CYP2B6: variants seen among roughly 807,000 people sequenced by gnomAD.
CYP2B6 encodes the protein cytochrome P450 family 2 subfamily B member 6.
In CYP2B6, 35 loss-of-function variants were observed where a neutral mutation model predicts 43.4. That is an observed-to-expected ratio of 0.81 (90% CI 0.62 to 1.07). The LOEUF is 1.07. CYP2B6 is among the 50% of genes least tolerant of loss of function. CYP2B6 has a pLI of 0.00. For synonymous variants in CYP2B6, 239 were observed against 239.2 expected (o/e 1.00, Z 0.01); for missense variants, 624 against 632.8 (o/e 0.99, Z 0.15).
At position 40,997,973 on chromosome 19, in the gene CYP2B6, G is replaced by A. The variant is rs143061026; in HGVS notation, c.172-6028G>A. Among the ~76,000 whole-genome samples the A allele has an allele frequency of 9.0e-4, 137 of 152,176 alleles. 1 individual carries two copies. Among genetic ancestry groups the A allele is most frequent in the African/African-American group, 3.2e-3 (134 of 41,480 alleles). On this transcript the variant is annotated intron_variant, in intron 1 of 8. Transcript: ENST00000324071. ...AAAATTTAGCCAGGCATGGTGGCATGTGCCTGTAGTCCCAGCTACTTGGGA... is the reference window on the plus strand; with the variant it reads ...AAAATTTAGCCAGGCATGGTGGCATATGCCTGTAGTCCCAGCTACTTGGGA...
At chr19:41,010,174 T>C (rs748862371) in intron 6 of CYP2B6, 39 bp downstream of exon 6, 3 of 1,609,050 alleles carry the variant, frequency 1.9e-6, no homozygotes, top group South Asian at 2.2e-5. Flanking sequence ...TCTTCTGACC[T>C]CCTTCTGAGC....
chr19:41,012,476 C>T lies in CYP2B6; in HGVS notation c.1143C>T (p.Ile381=). The T allele has an allele frequency of 6.2e-7, 1 of 1,614,150 alleles. No individual in the cohort carries two copies. Among genetic ancestry groups the T allele is most frequent in the Non-Finnish European group, 8.5e-7 (1 of 1,179,962 alleles). ...VTQHTSFRGY[I]IPKDTEVFLI... is the part of the protein sequence containing the mutation. Reference sequence around the variant, plus strand: ...AACACACCAGCTTCCGAGGGTACATCATCCCCAAGGTAAGACCGGCTGGAA... The same window carrying T: ...AACACACCAGCTTCCGAGGGTACATTATCCCCAAGGTAAGACCGGCTGGAA... The change falls in exon 7 of 9, where the codon ATC becomes ATT. Residue 381 remains isoleucine, a synonymous_variant. Transcript: ENST00000324071.
At chr19:41,003,287 CT>C (rs564106878) in intron 1 of CYP2B6, among the ~76,000 whole-genome samples, 3 of 151,308 alleles carry the variant, frequency 2.0e-5, no homozygotes, top group African/African-American at 7.3e-5. Flanking sequence ...TATGCATACT[CT>C]TTTTTTTTCC....
chr19:41,011,389 C>T (rs1323599073), intron 6 of CYP2B6, among the ~76,000 whole-genome samples: 2 of 152,168 alleles, frequency 1.3e-5, no homozygotes, highest in African/African-American at 2.4e-5. Context: ...TAATTGGGTT[C>T]ATTGATTTCT....
rs541009809 is a variant in CYP2B6, at chr19:41,003,340, A to C, written c.172-661A>C. ...ATAGGGAGGGTGGTATACACAGTGC[A>C]GACATGGTGGACAAAGGATGATTCG... is the stretch of plus-strand genomic sequence containing the variant. On this transcript the variant is annotated intron_variant, in intron 1 of 8. Transcript: ENST00000324071. 9.2e-5 allele frequency among the ~76,000 whole-genome samples: 14 copies of C among 152,228 alleles called. No homozygotes were observed. In the East Asian group the frequency reaches 1.9e-3, roughly 21 times the overall value.
Position 41,012,284 on chromosome 19 carries a change from T to G in CYP2B6, c.965-14T>G. The stretch of plus-strand genomic sequence containing the variant: ...TCTTTAAAATGAGATTCATTGGTCT[T>G]CTTTTCTGTACAGAGAGAGTCTACA... On this transcript the variant is annotated splice_polypyrimidine_tract_variant and intron_variant, in intron 6 of 8. Coordinates refer to ENST00000324071, the MANE Select transcript of CYP2B6 (RefSeq NM_000767.5). 1 of 1,613,766 alleles carries G rather than the reference T, an allele frequency of 6.2e-7. No homozygotes were observed. Among genetic ancestry groups the G allele is most frequent in the African/African-American group, 1.3e-5 (1 of 75,024 alleles).
At chr19:41,006,168 A>ATG (rs1403501072) in intron 3 of CYP2B6, among the ~76,000 whole-genome samples, 195 of 152,070 alleles carry the variant, frequency 1.3e-3, no homozygotes, top group African/African-American at 4.5e-3. Flanking sequence ...TTTGTTTTAA[A>ATG]TTAGAGACGG....
chr19:41,009,837 T>C, intron 5 of CYP2B6, 157 bp from the exon 6 acceptor site: 1 of 728,128 alleles, frequency 1.4e-6, no homozygotes, highest in Non-Finnish European at 2.4e-6. Context: ...GAGTTAGAGA[T>C]ACGCGGTTGG....
At position 40,997,751 on chromosome 19, in the gene CYP2B6, G is replaced by A. The variant is rs182707038; in HGVS notation, c.172-6250G>A. On this transcript the variant is annotated intron_variant, in intron 1 of 8. Coordinates refer to ENST00000324071, the MANE Select transcript of CYP2B6 (RefSeq NM_000767.5). Reference sequence around the variant, plus strand: ...GATTTTTCAGGGGAATGACATGGAGGGAGCCAAGGAGTCTTATGATTAGAT... The same window carrying A: ...GATTTTTCAGGGGAATGACATGGAGAGAGCCAAGGAGTCTTATGATTAGAT... Among the ~76,000 whole-genome samples the A allele has an allele frequency of 8.3e-4, 126 of 152,132 alleles. 2 individuals are homozygous for A. The highest frequency in any genetic ancestry group is 2.9e-3 in the African/African-American group (122 of 41,460).
Position 41,004,934 on chromosome 19 carries a change from T to C in CYP2B6, c.484+488T>C, listed in dbSNP as rs143625466. Among the ~76,000 whole-genome samples the C allele has an allele frequency of 1.4e-3, 206 of 151,998 alleles. 2 individuals carry two copies. The highest frequency in any genetic ancestry group is 4.8e-3 in the African/African-American group (199 of 41,396). On this transcript the variant is annotated intron_variant, in intron 3 of 8. Transcript: ENST00000324071. ...ATCACTTGAGCCCAGGAGGTTGAGG[T>C]TGCAGTGAGCTGTGATTGTACCACT...
intron 1 of CYP2B6, among the ~76,000 whole-genome samples, chr19:40,995,062 T>C (rs1246921298): frequency 6.6e-6 from 1 of 152,128 alleles, no homozygotes; most frequent in Non-Finnish European, 1.5e-5. Flanking sequence ...TTTGCTAGAG[T>C]ATAAGCCTTT....
At chr19:40,999,119 A>G (rs568481257) in intron 1 of CYP2B6, among the ~76,000 whole-genome samples, 46 of 151,426 alleles carry the variant, frequency 3.0e-4, no homozygotes, top group Admixed American at 2.0e-3. Flanking sequence ...TTGCCATTCT[A>G]ACTGGTGTGA....
At chr19:41,005,127 C>T (rs1343364986) in intron 3 of CYP2B6, among the ~76,000 whole-genome samples, 3 of 152,210 alleles carry the variant, frequency 2.0e-5, no homozygotes, top group Non-Finnish European at 2.9e-5. Flanking sequence ...GTTTTCCTTG[C>T]CCTGGGTGAA....
intron 1 of CYP2B6, among the ~76,000 whole-genome samples, chr19:40,993,818 A>G (rs1968959405): frequency 6.6e-6 from 1 of 152,132 alleles, no homozygotes; most frequent in Non-Finnish European, 1.5e-5. Context: ...TATCTGCACT[A>G]GTGAATTCAC....
intron 4 of CYP2B6, among the ~76,000 whole-genome samples, chr19:41,008,664 C>G (rs1236927343): frequency 6.6e-6 from 1 of 151,486 alleles, no homozygotes; most frequent in Non-Finnish European, 1.5e-5. Context: ...CAATGGTTAT[C>G]TCTAGAAGGA....
At chr19:41,000,405 G>A (rs1205010776) in intron 1 of CYP2B6, among the ~76,000 whole-genome samples, 2 of 152,156 alleles carry the variant, frequency 1.3e-5, no homozygotes, top group East Asian at 1.9e-4. Flanking sequence ...AGGAACAAAT[G>A]AAGGAGTCAG....
At chr19:41,007,822 C>T (rs1179427010) in intron 4 of CYP2B6, among the ~76,000 whole-genome samples, 1 of 151,988 alleles carries the variant, frequency 6.6e-6, no homozygotes, top group East Asian at 1.9e-4. Context: ...GACGGGGTTT[C>T]GCCATGTTGG....
At chr19:41,016,399 C>A (rs1273914456) in intron 8 of CYP2B6, among the ~76,000 whole-genome samples, 4 of 76,850 alleles carry the variant, frequency 5.2e-5, no homozygotes, top group Admixed American at 2.8e-4. Flanking sequence ...GACTCCATCT[C>A]AAAAAAAAAA....
At chr19:41,005,110 G>GTT (rs2144668309) in intron 3 of CYP2B6, among the ~76,000 whole-genome samples, 1 of 152,272 alleles carries the variant, frequency 6.6e-6, no homozygotes, top group Non-Finnish European at 1.5e-5. Flanking sequence ...AACAAATAAT[G>GTT]AACTGTGTTT....
Sources: gnomAD v4.1 joint callset for allele counts (sites outside exome capture counted in the v4.1 genomes callset) on GRCh38, gnomAD v4.1.1 for gene constraint, MANE v1.5 for transcripts, NCBI Gene and HGNC (gene_info 2026-07-23, HGNC 2026-07-21) for gene names.